MAP1B: variants seen among roughly 807,000 people sequenced by gnomAD.
The protein encoded by MAP1B is microtubule associated protein 1B, also known as microtubule-associated protein 1B.
MAP1B carries 12 observed loss-of-function variants against 176.1 expected under a neutral mutation model. The observed-to-expected ratio is 0.07, with a 90% CI of 0.04 to 0.11. The LOEUF (loss-of-function observed/expected upper bound fraction) is 0.11, where lower values mean the gene tolerates loss of function less well. MAP1B is among the 10% of genes least tolerant of loss of function. The pLI is 1.00. For missense variants in MAP1B, 2,523 were observed against 2,990.5 expected, an observed-to-expected ratio of 0.84 and a Z score of 3.65; for synonymous variants, 1,044 against 1,135.0, an observed-to-expected ratio of 0.92 and a Z score of 1.61.
intron 3 of MAP1B, among the ~76,000 whole-genome samples, chr5:72,184,202 A>G (rs1746841107): frequency 6.6e-6 from 1 of 152,164 alleles, no homozygotes; most frequent in Non-Finnish European, 1.5e-5. Flanking sequence ...CCTGGAGAAG[A>G]ATGGCATCTC....
intron 2 of MAP1B, among the ~76,000 whole-genome samples, chr5:72,163,916 CTT>C (rs796802217): frequency 1.0e-5 from 1 of 97,102 alleles, no homozygotes; most frequent in African/African-American, 4.1e-5. Context: ...CTCTCTCTCT[CTT>C]TTTTTTTTTT....
chr5:72,113,884 C>G (rs1211034003), intron 1 of MAP1B, among the ~76,000 whole-genome samples: 1 of 152,106 alleles, frequency 6.6e-6, no homozygotes, highest in East Asian at 1.9e-4. Context: ...CTCTGTGAAA[C>G]AAAAAGAACC....
At chr5:72,130,519 T>G (rs1472196318) in intron 2 of MAP1B, among the ~76,000 whole-genome samples, 1 of 152,244 alleles carries the variant, frequency 6.6e-6, no homozygotes, top group Non-Finnish European at 1.5e-5. Context: ...CTCACATCTT[T>G]TATTAATTAT....
At chr5:72,113,353 T>C (rs182384673) in intron 1 of MAP1B, among the ~76,000 whole-genome samples, 1 of 152,344 alleles carries the variant, frequency 6.6e-6, no homozygotes, top group Admixed American at 6.5e-5. Context: ...TTTAGTTTCA[T>C]TGGGAGTGTA....
rs774902870 is a variant in MAP1B, at chr5:72,198,844, A to G, written c.5489A>G (p.Tyr1830Cys). 1.5e-5 allele frequency: 24 copies of G among 1,614,040 alleles called. No individual in the cohort carries two copies. In the Admixed American group the frequency reaches 1.7e-4, roughly 11 times the overall value. The change falls in exon 5 of 7, where the codon TAT (tyrosine) becomes TGT (cysteine). Residue 1830 changes from tyrosine to cysteine, a missense_variant. Coordinates refer to ENST00000296755, the MANE Select transcript of MAP1B (RefSeq NM_005909.5). Reference protein sequence around the residue: ...PPIDAASAEPYGFRASVLFDT... With the variant: ...PPIDAASAEPCGFRASVLFDT... ...ATAGATGCAGCATCCGCAGAGCCCT[A>G]TGGCTTCCGTGCCTCAGTGTTATTC...
Position 72,194,181 on chromosome 5 carries a change from G to T in MAP1B, c.826G>T (p.Ala276Ser), listed in dbSNP as rs1747091358. 1 of 1,614,178 alleles carries T rather than the reference G, an allele frequency of 6.2e-7. No individual in the cohort carries two copies. ...PGGRGDSALFAVNGFNMLING... is the reference protein window; with the variant it reads ...PGGRGDSALFSVNGFNMLING... ...AGGGAGGGGCGATTCTGCCTTGTTT[G>T]CAGTGAATGGTTTCAATATGCTCAT... Residue 276 changes from alanine (A) to serine (S), a missense_variant, in exon 5 of 7, where the codon GCA (alanine) becomes TCA (serine). Physicochemically the swap from Ala to Ser is moderately conservative, Grantham distance 99. Around this residue, in one of 4 missense-constraint regions of MAP1B, gnomAD observed 307 missense variants for 438.4 expected, o/e 0.70. Transcript: ENST00000296755. This position sits in a 1 kb window ranked among gnomAD's most constrained non-coding sequence, Gnocchi z 7.2.
At chr5:72,132,956 G>A (rs1279942237) in intron 2 of MAP1B, among the ~76,000 whole-genome samples, 1 of 152,034 alleles carries the variant, frequency 6.6e-6, no homozygotes, top group African/African-American at 2.4e-5. Context: ...GCCAGCAGAG[G>A]GTTGTAGGGA....
At chr5:72,173,556 T>A (rs1473041832) in intron 2 of MAP1B, among the ~76,000 whole-genome samples, 1 of 152,220 alleles carries the variant, frequency 6.6e-6, no homozygotes, top group East Asian at 1.9e-4. Flanking sequence ...TGAAAGTGGC[T>A]TTTTTGTGGT....
rs1169697947 is a variant in MAP1B at position 72,207,896 on chromosome 5, T to G, written c.*2657T>G. On this transcript the variant is annotated 3_prime_UTR_variant, in exon 7 of 7. Coordinates refer to ENST00000296755, the MANE Select transcript of MAP1B (RefSeq NM_005909.5). ...TTTGCTTTAAAAACTATAAACATTGTAGGAGAATTATAGCCAGTCTTCAGT... is the reference window on the plus strand; with the variant it reads ...TTTGCTTTAAAAACTATAAACATTGGAGGAGAATTATAGCCAGTCTTCAGT... The G allele has an allele frequency of 6.6e-6, 1 of 151,968 alleles. No homozygotes were observed. The highest frequency in any genetic ancestry group is 1.9e-4 in the East Asian group (1 of 5,184). 9.4% of individuals were successfully genotyped at this position (151,968 alleles called of 1,614,324 possible). A position where few individuals can be genotyped will look rare whatever the true frequency, so the allele number is the denominator to read the frequency against.
intron 4 of MAP1B, among the ~76,000 whole-genome samples, chr5:72,190,075 C>A (rs541363898): frequency 6.6e-6 from 1 of 152,264 alleles, no homozygotes; most frequent in South Asian, 2.1e-4. Flanking sequence ...ATGACTCAAA[C>A]TGGACACCCT....
chr5:72,191,041 A>C (rs369959676), intron 4 of MAP1B, among the ~76,000 whole-genome samples: 1 of 152,244 alleles, frequency 6.6e-6, no homozygotes, highest in Non-Finnish European at 1.5e-5. Context: ...TCCTTGTTGC[A>C]TCTGTCATCC....
chr5:72,118,897 G>A (rs1423389743), intron 2 of MAP1B, among the ~76,000 whole-genome samples: 1 of 152,202 alleles, frequency 6.6e-6, no homozygotes, highest in East Asian at 1.9e-4. Context: ...AATAATTGGA[G>A]TTCACTTGTA....
At chr5:72,202,018 A>G (rs1470807911) in intron 5 of MAP1B, among the ~76,000 whole-genome samples, 1 of 152,216 alleles carries the variant, frequency 6.6e-6, no homozygotes, top group Non-Finnish European at 1.5e-5. Flanking sequence ...TAGCCCACAC[A>G]ATTTTTAAAA....
rs2111893023 is a variant in MAP1B at position 72,199,568 on chromosome 5, G to A, written c.6213G>A (p.Lys2071=). Residue 2071 remains lysine (K), a synonymous_variant, in exon 5 of 7, where the codon AAG becomes AAA. Transcript: ENST00000296755. This position sits in a 1 kb window ranked among gnomAD's most constrained non-coding sequence, Gnocchi z 4.2. ...ACCTATGCTACACTGCAGAAAAGAA[G>A]TCCCCCTCAGAAGCCCGTCAGGATG... ...TSDLCYTAEK[K]SPSEARQDVD... 1 of 1,614,096 alleles carries A rather than the reference G, an allele frequency of 6.2e-7. No individual in the cohort carries two copies. The highest frequency in any genetic ancestry group is 1.3e-5 in the African/African-American group (1 of 75,030).
chr5:72,146,613 A>G (rs1248500725), intron 2 of MAP1B, among the ~76,000 whole-genome samples: 1 of 152,148 alleles, frequency 6.6e-6, no homozygotes, highest in Non-Finnish European at 1.5e-5. Context: ...GAGGCACAGC[A>G]TGGTTAAACA....
intron 2 of MAP1B, among the ~76,000 whole-genome samples, chr5:72,146,800 C>A (rs1746052632): frequency 6.6e-6 from 1 of 152,164 alleles, no homozygotes; most frequent in Non-Finnish European, 1.5e-5. Flanking sequence ...AGGCTTGAGG[C>A]AAATGCATTC....
intron 2 of MAP1B, among the ~76,000 whole-genome samples, chr5:72,142,664 AT>A (rs200942214): frequency 2.6e-5 from 4 of 151,630 alleles, no homozygotes; most frequent in Admixed American, 6.6e-5. Flanking sequence ...GAAAAAAGGG[AT>A]TTTTTTTCAG....
intron 2 of MAP1B, among the ~76,000 whole-genome samples, chr5:72,130,240 G>A (rs1452940801): frequency 6.6e-6 from 1 of 151,464 alleles, no homozygotes; most frequent in African/African-American, 2.4e-5. Flanking sequence ...AATAATCATA[G>A]GGATACATTG....
intron 2 of MAP1B, among the ~76,000 whole-genome samples, chr5:72,118,670 A>G (rs780185509): frequency 5.9e-5 from 9 of 151,986 alleles, no homozygotes; most frequent in Non-Finnish European, 1.2e-4. Context: ...CTGGTCTTAA[A>G]CTCCTGGGCT....
Sources: gnomAD v4.1 joint callset for allele counts (sites outside exome capture counted in the v4.1 genomes callset) on GRCh38, gnomAD v4.1.1 for gene constraint, gnomAD v4.1.1 regional missense constraint, Gnocchi (gnomAD v3.1) non-coding constraint, MANE v1.5 for transcripts, NCBI Gene and HGNC (gene_info 2026-07-23, HGNC 2026-07-21) for gene names.